The following PIK3CD variants were observed in gnomAD, a reference collection of about 807,000 sequenced individuals.
The protein encoded by PIK3CD is phosphatidylinositol-4,5-bisphosphate 3-kinase catalytic subunit delta.
PIK3CD carries 20 observed loss-of-function variants against 122.9 expected under a neutral mutation model. That is an observed-to-expected ratio of 0.16 (90% CI 0.11 to 0.24). The LOEUF (loss-of-function observed/expected upper bound fraction) is 0.24, where lower values mean the gene tolerates loss of function less well. PIK3CD is among the 10% of genes least tolerant of loss of function. The pLI, the probability that PIK3CD is intolerant of heterozygous loss-of-function variation, is 1.00. For synonymous variants in PIK3CD, 596 were observed against 593.4 expected (o/e 1.00, Z -0.06); for missense variants, 787 against 1,406.3 (o/e 0.56, Z 7.04).
the PIK3CD span, among the ~76,000 whole-genome samples, chr1:9,630,739 T>C: frequency 0.59 from 88,480 of 150,894 alleles, 29,303 homozygotes; most frequent in Non-Finnish European, 0.75. Context: ...TGTGTGTGTG[T>C]GCAGAAGAGG....
intron 2 of PIK3CD, among the ~76,000 whole-genome samples, chr1:9,707,502 T>A (rs1396132583): frequency 7.2e-5 from 11 of 152,044 alleles, no homozygotes; most frequent in Non-Finnish European, 1.5e-4. Flanking sequence ...TTCTTCCTCA[T>A]CCTCTCCCGA....
At chr1:9,644,462 G>T in the PIK3CD span, among the ~76,000 whole-genome samples, 1 of 144,306 alleles carries the variant, frequency 6.9e-6, no homozygotes. Flanking sequence ...AGGTTGCAGT[G>T]AGCCGAGATC....
chr1:9,688,475 T>C (rs1005816352), intron 1 of PIK3CD, among the ~76,000 whole-genome samples: 1 of 151,448 alleles, frequency 6.6e-6, no homozygotes, highest in African/African-American at 2.4e-5. Context: ...AGGGTGAGAG[T>C]CCCTGCCCGC....
chr1:9,645,381 G>C, the PIK3CD span, among the ~76,000 whole-genome samples: 1 of 152,000 alleles, frequency 6.6e-6, no homozygotes, highest in Non-Finnish European at 1.5e-5. Context: ...GTCATGATAA[G>C]TCCCTAGGGT....
intron 2 of PIK3CD, among the ~76,000 whole-genome samples, chr1:9,692,745 T>A (rs921209690): frequency 1.3e-5 from 2 of 151,892 alleles, no homozygotes; most frequent in Admixed American, 6.6e-5. Flanking sequence ...AATAAATAAA[T>A]AAAATAAATC....
chr1:9,643,880 G>A, the PIK3CD span, among the ~76,000 whole-genome samples: 2 of 152,170 alleles, frequency 1.3e-5, no homozygotes, highest in Non-Finnish European at 2.9e-5. Context: ...AAAGGGTAAA[G>A]ACTCGAGCTG....
chr1:9,709,098 C>T (rs1231370444), intron 2 of PIK3CD, among the ~76,000 whole-genome samples: 2 of 151,690 alleles, frequency 1.3e-5, no homozygotes, highest in African/African-American at 2.4e-5. Flanking sequence ...GGTGCGATCT[C>T]GGCTCACTGC....
In PIK3CD at chr1:9,727,258, C is replaced by CG. The variant is rs1557680963; in HGVS notation, c.*214dup. ...CGGAAACGCCTCCTTCATGCAGCGG[C>CG]GGTGCTGGGCCCCCCGAGGCTGCAC... On this transcript the variant is annotated 3_prime_UTR_variant, in exon 24 of 24. Transcript: ENST00000377346. 1.6e-6 allele frequency: 1 copy of CG among 608,182 alleles called. No homozygotes were observed. Among genetic ancestry groups the CG allele is most frequent in the Non-Finnish European group, 2.9e-6 (1 of 345,744 alleles). 37.7% of individuals were successfully genotyped at this position (608,182 alleles called of 1,614,324 possible).
chr1:9,663,931 G>A (rs1243904149), intron 1 of PIK3CD, among the ~76,000 whole-genome samples: 1 of 151,916 alleles, frequency 6.6e-6, no homozygotes, highest in Non-Finnish European at 1.5e-5. Context: ...TTTTATGGCT[G>A]CATAGTATTC....
At position 9,727,311 on chromosome 1, in the gene PIK3CD, CAA is replaced by C; in HGVS notation, c.*266_*267del. The stretch of plus-strand genomic sequence containing the variant: ...GGCTCTCGGCTGAGGATTGTCACCC[CAA>C]GTCTTCCAGCTGGTGGATCTGGGCC... On this transcript the variant is annotated 3_prime_UTR_variant, in exon 24 of 24. Transcript: ENST00000377346. 1.9e-6 allele frequency: 1 copy of C among 528,230 alleles called. No individual in the cohort carries two copies. Among genetic ancestry groups the C allele is most frequent in the Non-Finnish European group, 3.4e-6 (1 of 292,086 alleles). 32.7% of individuals were successfully genotyped at this position (528,230 alleles called of 1,614,324 possible). A position where few individuals can be genotyped will look rare whatever the true frequency, so the allele number is the denominator to read the frequency against.
chr1:9,721,193 A>G lies in PIK3CD; in HGVS notation c.1756A>G (p.Ser586Gly). ...GAGCGCCCTGGAGCTGCTAGACTTC[A>G]GCTTCCCCGATTGCCACGTAGGCTC... ...VLSALELLDF[S>G]FPDCHVGSFA... is the part of the protein sequence containing the mutation. The change falls in exon 14 of 24, where the codon AGC (serine) becomes GGC (glycine). Residue 586 changes from serine (S) to glycine (G), a missense_variant. Ser to Gly is a moderately conservative substitution (Grantham distance 56, BLOSUM62 0). Coordinates refer to ENST00000377346, the MANE Select transcript of PIK3CD (RefSeq NM_005026.5). The G allele has an allele frequency of 3.1e-6, 5 of 1,613,278 alleles. No individual in the cohort carries two copies. The highest frequency in any genetic ancestry group is 4.2e-6 in the Non-Finnish European group (5 of 1,179,936).
At chr1:9,680,852 C>G (rs1645721598) in intron 1 of PIK3CD, 1 of 152,192 alleles carries the variant, frequency 6.6e-6, no homozygotes, top group Non-Finnish European at 1.5e-5. Flanking sequence ...GCAGACTGAA[C>G]AGCAAGCATT....
chr1:9,664,713 C>G (rs2100883561), intron 1 of PIK3CD, among the ~76,000 whole-genome samples: 1 of 152,300 alleles, frequency 6.6e-6, no homozygotes, highest in East Asian at 1.9e-4. Flanking sequence ...AGCTGCTCAT[C>G]ATAGTGCCAG....
chr1:9,660,268 A>G (rs958185333), intron 1 of PIK3CD, among the ~76,000 whole-genome samples: 1 of 152,300 alleles, frequency 6.6e-6, no homozygotes, highest in African/African-American at 2.4e-5. Context: ...CTCCCACTCT[A>G]TGGCTTTTGT....
intron 1 of PIK3CD, among the ~76,000 whole-genome samples, chr1:9,664,041 C>CTT (rs1422290243): frequency 1.4e-5 from 2 of 141,386 alleles, no homozygotes; most frequent in Non-Finnish European, 3.0e-5. Context: ...TTTTCTTTTT[C>CTT]TTTCTTTCTT....
Position 9,696,765 on chromosome 1 carries a change from T to G in PIK3CD, c.-33+5194T>G, listed in dbSNP as rs572729954. On this transcript the variant is annotated intron_variant, in intron 2 of 23. Transcript: ENST00000377346. ...AGAGAAGAAAAAAATAAGTTGAAAG[T>G]TGAAAACCAAGAAATATTACCATAA... Among the ~76,000 whole-genome samples the G allele has an allele frequency of 1.5e-4, 23 of 149,882 alleles. No homozygotes were observed. In the South Asian group the frequency reaches 4.9e-3, roughly 32 times the overall value.
At chr1:9,671,980 C>A (rs540140034) in intron 1 of PIK3CD, among the ~76,000 whole-genome samples, 14 of 152,294 alleles carry the variant, frequency 9.2e-5, no homozygotes, top group Admixed American at 2.0e-4. Flanking sequence ...GTGAGGCTCA[C>A]AAGGCAGCAC....
At chr1:9,702,599 C>CA (rs1646688646) in intron 2 of PIK3CD, among the ~76,000 whole-genome samples, 1 of 141,488 alleles carries the variant, frequency 7.1e-6, no homozygotes, top group South Asian at 2.3e-4. Context: ...CGGCCCACTG[C>CA]AAACTCCGCC....
chr1:9,689,648 C>T lies in PIK3CD; in HGVS notation c.-137-1819C>T, dbSNP rs1304011868. 6.6e-6 allele frequency among the ~76,000 whole-genome samples: 1 copy of T among 151,528 alleles called. No individual in the cohort carries two copies. The highest frequency in any genetic ancestry group is 1.5e-5 in the Non-Finnish European group (1 of 67,770). On this transcript the variant is annotated intron_variant, in intron 1 of 23. Coordinates refer to ENST00000377346, the MANE Select transcript of PIK3CD (RefSeq NM_005026.5). This position sits in a 1 kb window ranked among gnomAD's most constrained non-coding sequence, Gnocchi z 6.1. ...GGAGGCTGGCGTCTTCCCGTCACTCCGGGACCCGCCCGCTGTGTCCCCTGG... is the reference window on the plus strand; with the variant it reads ...GGAGGCTGGCGTCTTCCCGTCACTCTGGGACCCGCCCGCTGTGTCCCCTGG...
Sources: allele counts gnomAD v4.1 joint callset (sites outside exome capture counted in the v4.1 genomes callset), GRCh38; gene constraint gnomAD v4.1.1; non-coding constraint Gnocchi (gnomAD v3.1); transcripts MANE v1.5; gene names NCBI Gene and HGNC (gene_info 2026-07-23, HGNC 2026-07-21).